FAM216A: variants seen among roughly 807,000 people sequenced by gnomAD.
FAM216A encodes the protein protein FAM216A.
A neutral mutation model predicts 37.6 loss-of-function variants in FAM216A; 26 were observed. That is an observed-to-expected ratio of 0.69 (90% CI 0.51 to 0.96). The LOEUF is 0.96. FAM216A is among the 40% of genes least tolerant of loss of function. FAM216A has a pLI of 0.00. For synonymous variants in FAM216A, 110 were observed against 121.7 expected (o/e 0.90, Z 0.64); for missense variants, 326 against 339.3 (o/e 0.96, Z 0.31).
Position 110,486,552 on chromosome 12 carries a change from G to A in FAM216A, c.455G>A (p.Arg152Lys). Reference sequence around the variant, plus strand: ...ATCACAGGTGTCCTCACTCATCACAGAAGCCGCCTTAGCTCCCGTTACTCA... The same window carrying A: ...ATCACAGGTGTCCTCACTCATCACAAAAGCCGCCTTAGCTCCCGTTACTCA... ...SQKPGVLTHH[R>K]SRLSSRYSQK... Residue 152 changes from arginine (R) to lysine (K), a missense_variant, in exon 5 of 7, where the codon AGA (arginine) becomes AAA (lysine). Coordinates refer to ENST00000377673, the MANE Select transcript of FAM216A (RefSeq NM_013300.3). The A allele has an allele frequency of 6.2e-7, 1 of 1,613,596 alleles. No individual in the cohort carries two copies. The highest frequency in any genetic ancestry group is 8.5e-7 in the Non-Finnish European group (1 of 1,179,626).
intron 2 of FAM216A, among the ~76,000 whole-genome samples, chr12:110,484,455 A>AAAC (rs1565853407): frequency 1.4e-5 from 2 of 138,588 alleles, no homozygotes; most frequent in African/African-American, 2.7e-5. Flanking sequence ...AAAAAAAAAA[A>AAAC]CTATATAGTA....
At chr12:110,477,319 A>G (rs563466216) in intron 2 of FAM216A, among the ~76,000 whole-genome samples, 5 of 152,296 alleles carry the variant, frequency 3.3e-5, no homozygotes, top group African/African-American at 1.2e-4. Context: ...ATTACTTCTC[A>G]AACTTTCATC....
intron 6 of FAM216A, among the ~76,000 whole-genome samples, chr12:110,489,250 A>G (rs1337606149): frequency 1.3e-5 from 2 of 152,094 alleles, no homozygotes; most frequent in Non-Finnish European, 2.9e-5. Context: ...CATGCCTGTA[A>G]TCTCAGCACT....
At chr12:110,479,980 A>G (rs1400060657) in intron 2 of FAM216A, among the ~76,000 whole-genome samples, 1 of 151,788 alleles carries the variant, frequency 6.6e-6, no homozygotes, top group African/African-American at 2.4e-5. Flanking sequence ...TTGGTTAACT[A>G]TTTATTTGTG....
intron 2 of FAM216A, among the ~76,000 whole-genome samples, chr12:110,482,324 C>T (rs1163798522): frequency 1.3e-5 from 2 of 151,786 alleles, no homozygotes; most frequent in African/African-American, 2.4e-5. Flanking sequence ...GTGATCTGCC[C>T]GCCTCAGCCT....
chr12:110,487,138 CT>C (rs951988566), intron 5 of FAM216A: 438 of 146,504 alleles, frequency 3.0e-3, no homozygotes, highest in Middle Eastern at 0.011. Flanking sequence ...AGCAGAGATA[CT>C]TTTTTTTTTT....
intron 5 of FAM216A, 181 bp from the exon 6 acceptor site, chr12:110,487,680 T>C (rs539590140): frequency 3.9e-5 from 23 of 592,268 alleles, no homozygotes; most frequent in Non-Finnish European, 5.7e-5. Flanking sequence ...AGCATGAGTA[T>C]TGAAATTGCA....
chr12:110,486,427 GTAC>G lies in FAM216A; in HGVS notation c.411_413del (p.Leu138del). On this transcript the variant is annotated inframe_deletion, in exon 4 of 7. Transcript: ENST00000377673. ...GTTAATGAAGAGGCAGTACATGCAC[GTAC>G]TTCAGCACAGCTCACAAAAGCCAGG... 1 of 1,613,786 alleles carries G rather than the reference GTAC, an allele frequency of 6.2e-7. No individual in the cohort carries two copies. Among genetic ancestry groups the G allele is most frequent in the Non-Finnish European group, 8.5e-7 (1 of 1,179,750 alleles).
chr12:110,476,603 C>T (rs1166737101), intron 2 of FAM216A, among the ~76,000 whole-genome samples: 2 of 151,440 alleles, frequency 1.3e-5, no homozygotes, highest in East Asian at 2.0e-4. Flanking sequence ...CTTGGCTCAC[C>T]GCAACCTCTG....
In FAM216A at chr12:110,476,472, C is replaced by T. The variant is rs184115233; in HGVS notation, c.184+3354C>T. On this transcript the variant is annotated intron_variant, in intron 2 of 6. Coordinates refer to ENST00000377673, the MANE Select transcript of FAM216A (RefSeq NM_013300.3). ...ATCTACCCGCCTCGGCCTCCCAAAG[C>T]GCTGGGATTACAGGTGTGAGCCACC... Among the ~76,000 whole-genome samples, 1,044 of 149,622 alleles carry T rather than the reference C, an allele frequency of 7.0e-3. 1 individual carries two copies. Among genetic ancestry groups the T allele is most frequent in the Non-Finnish European group, 9.5e-3 (637 of 67,162 alleles).
At chr12:110,486,066 G>A (rs7139314) in intron 3 of FAM216A, among the ~76,000 whole-genome samples, 21,843 of 152,132 alleles carry the variant, frequency 0.14, 2,163 homozygotes, top group African/African-American at 0.28. Flanking sequence ...CAGCAGATTC[G>A]CTCTTTCCTT....
At chr12:110,469,971 G>A (rs1048667764) in intron 1 of FAM216A, among the ~76,000 whole-genome samples, 2 of 152,124 alleles carry the variant, frequency 1.3e-5, no homozygotes, top group Admixed American at 1.3e-4. Context: ...GCGAGCTGTT[G>A]AAGTCACTGC....
At chr12:110,468,588 G>C (rs994030731), upstream of FAM216A, 3 of 1,537,254 alleles carry the variant, frequency 2.0e-6, no homozygotes, top group Admixed American at 2.0e-5. Context: ...CAAATGTGCT[G>C]AGGATCTGGA....
intron 1 of FAM216A, among the ~76,000 whole-genome samples, chr12:110,472,045 A>G (rs1434457042): frequency 6.6e-6 from 1 of 151,922 alleles, no homozygotes; most frequent in East Asian, 1.9e-4. Flanking sequence ...CGGCCTGGCC[A>G]ACATGGCGAA....
At chr12:110,483,341 A>AAAAAAAAAAAAAAAG (rs1381547532) in intron 2 of FAM216A, among the ~76,000 whole-genome samples, 1 of 151,980 alleles carries the variant, frequency 6.6e-6, no homozygotes, top group African/African-American at 2.4e-5. Context: ...AAAAAAAAAA[A>AAAAAAAAAAAAAAAG]AAGAGGCATT....
At chr12:110,480,973 G>A (rs1027942716) in intron 2 of FAM216A, among the ~76,000 whole-genome samples, 7 of 152,048 alleles carry the variant, frequency 4.6e-5, no homozygotes, top group South Asian at 4.2e-4. Context: ...CTTTCACTCC[G>A]TATATATTTG....
chr12:110,473,367 A>G (rs987688047), intron 2 of FAM216A, among the ~76,000 whole-genome samples: 14 of 152,076 alleles, frequency 9.2e-5, no homozygotes, highest in Non-Finnish European at 2.1e-4. Flanking sequence ...GCGTGCCACC[A>G]TGCCTGGCTA....
At chr12:110,469,044 G>C in intron 1 of FAM216A, 26 bp downstream of exon 1, 1 of 1,419,218 alleles carries the variant, frequency 7.0e-7, no homozygotes, top group Non-Finnish European at 9.2e-7. Flanking sequence ...CCGGGGTAAG[G>C]GTGGCAGCAT....
At chr12:110,488,288 G>A (rs113891765) in intron 6 of FAM216A, among the ~76,000 whole-genome samples, 1 of 151,824 alleles carries the variant, frequency 6.6e-6, no homozygotes, top group Non-Finnish European at 1.5e-5. Context: ...GCAGGCGCCT[G>A]TAATCCCAGC....
Sources: allele counts gnomAD v4.1 joint callset (sites outside exome capture counted in the v4.1 genomes callset), GRCh38; gene constraint gnomAD v4.1.1; transcripts MANE v1.5; gene names NCBI Gene and HGNC (gene_info 2026-07-23, HGNC 2026-07-21).